ACTN4: variants seen among roughly 807,000 people sequenced by gnomAD.
The protein encoded by ACTN4 is alpha-actinin-4.
Under a neutral mutation model 114.2 loss-of-function variants are expected in ACTN4, and 18 were observed. The ratio of observed to expected loss-of-function variants is 0.16; its 90% CI spans 0.11 to 0.23. The LOEUF is 0.23. ACTN4 is among the 10% of genes least tolerant of loss of function. ACTN4 has a pLI of 1.00. For synonymous variants in ACTN4, 515 were observed against 506.3 expected, an observed-to-expected ratio of 1.02 and a Z score of -0.23; for missense variants, 722 against 1,262.9, an observed-to-expected ratio of 0.57 and a Z score of 6.49.
At chr19:38,718,985 G>A (rs1173481682) in intron 11 of ACTN4, among the ~76,000 whole-genome samples, 2 of 152,196 alleles carry the variant, frequency 1.3e-5, no homozygotes, top group Non-Finnish European at 2.9e-5. Flanking sequence ...TGGCCCACCT[G>A]TGAGCTCCTC....
intron 1 of ACTN4, among the ~76,000 whole-genome samples, chr19:38,655,767 C>CA (rs1472447958): frequency 6.6e-6 from 1 of 152,146 alleles, no homozygotes; most frequent in Non-Finnish European, 1.5e-5. Flanking sequence ...CCTTATATAC[C>CA]AAAATCCACA....
rs534294919 is a variant in ACTN4 at position 38,731,419 on chromosome 19, G to C, written c.*1987G>C. The C allele has an allele frequency of 9.3e-5, 57 of 612,686 alleles. No individual in the cohort carries two copies. In the South Asian group the frequency reaches 1.0e-3, roughly 11 times the overall value. 38.0% of individuals were successfully genotyped at this position (612,686 alleles called of 1,614,324 possible). On this transcript the variant is annotated 3_prime_UTR_variant, in exon 21 of 21. Transcript: ENST00000252699. ...TTTCCTCATCCATCAAACGGACTAA[G>C]ACAGCCCCGACCCCATAGGGTGTGT...
At chr19:38,690,642 T>G (rs1196630233) in intron 1 of ACTN4, among the ~76,000 whole-genome samples, 6 of 152,200 alleles carry the variant, frequency 3.9e-5, no homozygotes, top group Admixed American at 3.9e-4. Context: ...GACCCACCGG[T>G]AACAGCCAGG....
At chr19:38,711,391 G>A in intron 8 of ACTN4, 1 of 986,666 alleles carries the variant, frequency 1.0e-6, no homozygotes, top group Non-Finnish European at 1.2e-6. Flanking sequence ...CCTCGCTGCT[G>A]GGGCTGCAGA....
intron 1 of ACTN4, among the ~76,000 whole-genome samples, chr19:38,698,787 CGGATTTGGAA>C (rs1304285535): frequency 1.3e-5 from 2 of 152,176 alleles, no homozygotes; most frequent in East Asian, 3.9e-4. Flanking sequence ...TGCCCCCTTT[CGGATTTGGAA>C]GGAAGCCCCA....
At chr19:38,728,696 G>A (rs1484567555) in intron 19 of ACTN4, among the ~76,000 whole-genome samples, 1 of 152,202 alleles carries the variant, frequency 6.6e-6, no homozygotes, top group African/African-American at 2.4e-5. Context: ...TTACTCGTGA[G>A]CCTGGGCTGA....
rs1310922977 is a variant in ACTN4 at position 38,729,616 on chromosome 19, G to GT, written c.*186dup. The GT allele has an allele frequency of 3.4e-6, 3 of 886,262 alleles. No individual in the cohort carries two copies. In the East Asian group the frequency reaches 7.9e-5, roughly 23 times the overall value. The allele number at this position is 886,262 out of a possible 1,614,324, so 54.9% of individuals were successfully genotyped here. A position where few individuals can be genotyped will look rare whatever the true frequency, so the allele number is the denominator to read the frequency against. On this transcript the variant is annotated 3_prime_UTR_variant, in exon 21 of 21. Transcript: ENST00000252699. ...TCTCTCTTTGTGGGTTGGCCAGGAG[G>GT]TTCCCCCGACCAGGTTGGGGAGACT...
chr19:38,670,791 C>T (rs1326508786), intron 1 of ACTN4, among the ~76,000 whole-genome samples: 2 of 152,068 alleles, frequency 1.3e-5, no homozygotes, highest in East Asian at 1.9e-4. Context: ...AGCGTGGTGG[C>T]TTGTGCTTGT....
At chr19:38,728,866 A>C in intron 19 of ACTN4, 130 bp from the exon 20 acceptor site, 2 of 1,162,052 alleles carry the variant, frequency 1.7e-6, no homozygotes, top group Non-Finnish European at 2.5e-6. Context: ...CAGGCGGGGA[A>C]CAGGGCGCAC....
chr19:38,667,165 T>TC (rs1378262115), intron 1 of ACTN4, among the ~76,000 whole-genome samples: 1 of 152,176 alleles, frequency 6.6e-6, no homozygotes, highest in East Asian at 1.9e-4. Context: ...GGGGGAGGAC[T>TC]CAAGGCACAG....
At chr19:38,663,643 A>G (rs896851298) in intron 1 of ACTN4, among the ~76,000 whole-genome samples, 6 of 152,178 alleles carry the variant, frequency 3.9e-5, no homozygotes, top group Non-Finnish European at 5.9e-5. Flanking sequence ...CCGGCGTGCA[A>G]TCGAACATTT....
chr19:38,667,756 G>A (rs1426535164), intron 1 of ACTN4, among the ~76,000 whole-genome samples: 1 of 151,764 alleles, frequency 6.6e-6, no homozygotes, highest in Non-Finnish European at 1.5e-5. Context: ...CAGTGACTTG[G>A]CATCTCTGAG....
intron 1 of ACTN4, among the ~76,000 whole-genome samples, chr19:38,685,549 A>G (rs937864717): frequency 2.0e-5 from 3 of 152,118 alleles, no homozygotes; most frequent in Admixed American, 2.0e-4. Flanking sequence ...AGGGGACTCA[A>G]TTATGCGGAT....
chr19:38,712,673 G>T (rs1040858741), intron 8 of ACTN4, among the ~76,000 whole-genome samples: 1 of 152,134 alleles, frequency 6.6e-6, no homozygotes, highest in Non-Finnish European at 1.5e-5. Flanking sequence ...TCCCGCGGGA[G>T]GGTGGGCAGG....
rs1215269851 is a variant in ACTN4, at chr19:38,724,699, G to A, written c.2010+134G>A. On this transcript the variant is annotated intron_variant, in intron 16 of 20. Coordinates refer to ENST00000252699, the MANE Select transcript of ACTN4 (RefSeq NM_004924.6). This position sits in a 1 kb window ranked among gnomAD's most constrained non-coding sequence, Gnocchi z 7.0. ...AGGTCCCAATTCTCACCACCCAGGG[G>A]CCGTGATCACCCTGCGGGGTTAGGA... The A allele has an allele frequency of 2.1e-6, 3 of 1,436,462 alleles. No homozygotes were observed. Among genetic ancestry groups the A allele is most frequent in the Non-Finnish European group, 2.9e-6 (3 of 1,045,290 alleles). The allele number at this position is 1,436,462 out of a possible 1,614,324, so 89.0% of individuals were successfully genotyped here.
intron 1 of ACTN4, among the ~76,000 whole-genome samples, chr19:38,685,166 G>A (rs140334314): frequency 4.9e-4 from 74 of 152,132 alleles, no homozygotes; most frequent in East Asian, 3.1e-3. Context: ...GGATGGTCTC[G>A]AACTCCTGAC....
In ACTN4 at chr19:38,700,640, G is replaced by A; in HGVS notation, c.203G>A (p.Gly68Asp). 1 of 1,614,174 alleles carries A rather than the reference G, an allele frequency of 6.2e-7. No individual in the cohort carries two copies. The highest frequency in any genetic ancestry group is 8.5e-7 in the Non-Finnish European group (1 of 1,180,038). ...TGCAACTCCCACCTGCGGAAGGCAG[G>A]CACACAGATCGAGAACATTGATGAG... ...AWCNSHLRKA[G>D]TQIENIDEDF... The change falls in exon 2 of 21, where the codon GGC becomes GAC. Residue 68 changes from glycine (G) to aspartate (D), a missense_variant. By Grantham distance (94) the Gly-to-Asp change is moderately conservative. This residue lies in a region of ACTN4 where 127 missense variants were observed against 311.3 expected (regional missense o/e 0.41). Transcript: ENST00000252699.
At chr19:38,672,696 C>T (rs1455855379) in intron 1 of ACTN4, among the ~76,000 whole-genome samples, 1 of 151,988 alleles carries the variant, frequency 6.6e-6, no homozygotes, top group Non-Finnish European at 1.5e-5. Flanking sequence ...GCCTCAGCCT[C>T]CTGAGTAGCT....
chr19:38,682,299 C>T (rs776827597), intron 1 of ACTN4, among the ~76,000 whole-genome samples: 17 of 152,210 alleles, frequency 1.1e-4, no homozygotes, highest in East Asian at 3.9e-4. Context: ...CTCAGCCTCC[C>T]GAAGTGCTGG....
Sources: allele counts gnomAD v4.1 joint callset (sites outside exome capture counted in the v4.1 genomes callset), GRCh38; gene constraint gnomAD v4.1.1; regional missense constraint gnomAD v4.1.1; non-coding constraint Gnocchi (gnomAD v3.1); transcripts MANE v1.5; gene names NCBI Gene and HGNC (gene_info 2026-07-23, HGNC 2026-07-21).